The following PIGU variants were observed in gnomAD, a reference collection of about 807,000 sequenced individuals.
PIGU encodes phosphatidylinositol glycan anchor biosynthesis class U.
In PIGU, 24 loss-of-function variants were observed where a neutral mutation model predicts 49.9. The observed-to-expected ratio is 0.48, with a 90% CI of 0.35 to 0.68. The LOEUF is 0.68. Ranked by LOEUF, PIGU falls within the 30% of genes least tolerant of loss-of-function variation. The pLI is 0.01. For missense variants in PIGU, 490 were observed against 532.6 expected (o/e 0.92, Z 0.79); for synonymous variants, 220 against 205.7 (o/e 1.07, Z -0.59).
intron 7 of PIGU, among the ~76,000 whole-genome samples, chr20:34,593,097 G>T (rs1317358505): frequency 6.6e-6 from 1 of 152,110 alleles, no homozygotes; most frequent in Non-Finnish European, 1.5e-5. Context: ...AGCACTTTGG[G>T]AACCAGAGGA....
At chr20:34,666,117 C>G (rs556247587) in intron 1 of PIGU, among the ~76,000 whole-genome samples, 7 of 151,888 alleles carry the variant, frequency 4.6e-5, no homozygotes, top group Non-Finnish European at 2.9e-5. Flanking sequence ...ACCCAGAATG[C>G]GGAGGTTGTA....
intron 11 of PIGU, among the ~76,000 whole-genome samples, chr20:34,573,444 A>C (rs985207576): frequency 6.6e-6 from 1 of 152,212 alleles, no homozygotes; most frequent in Non-Finnish European, 1.5e-5. Flanking sequence ...TTCTCTCAGA[A>C]AGGCAGCCAC....
chr20:34,619,085 G>C (rs374323640), intron 6 of PIGU, among the ~76,000 whole-genome samples: 6 of 152,306 alleles, frequency 3.9e-5, no homozygotes, highest in African/African-American at 1.4e-4. Context: ...AACAACCCTA[G>C]TTGACAGAAA....
rs111415674 is a variant in PIGU at position 34,638,985 on chromosome 20, G to A, written c.319-1000C>T. 1.7e-3 allele frequency among the ~76,000 whole-genome samples: 252 copies of A among 152,278 alleles called. 1 individual carries two copies. The highest frequency in any genetic ancestry group is 5.6e-3 in the African/African-American group (233 of 41,560). ...ATCTATTAGAAAACAGTATTTCAGA[G>A]GAGCCAAGATAGCTGTGCTTAACTG... On this transcript the variant is annotated intron_variant, in intron 4 of 11. Coordinates refer to ENST00000217446, the MANE Select transcript of PIGU (RefSeq NM_080476.5).
At chr20:34,622,066 G>A (rs1428495621) in intron 6 of PIGU, among the ~76,000 whole-genome samples, 1 of 152,162 alleles carries the variant, frequency 6.6e-6, no homozygotes, top group Non-Finnish European at 1.5e-5. Flanking sequence ...CAAGAGCTGG[G>A]AGGAGTGACA....
chr20:34,612,438 G>A (rs761387844), intron 7 of PIGU, among the ~76,000 whole-genome samples: 6 of 152,026 alleles, frequency 3.9e-5, no homozygotes, highest in Non-Finnish European at 5.9e-5. Flanking sequence ...GGGTTGATAC[G>A]TGCAGCACAC....
intron 4 of PIGU, among the ~76,000 whole-genome samples, chr20:34,639,273 C>A (rs1986071871): frequency 6.6e-6 from 1 of 151,948 alleles, no homozygotes; most frequent in Admixed American, 6.6e-5. Flanking sequence ...TGGTGGCGGG[C>A]ACCTGTAGTC....
intron 11 of PIGU, among the ~76,000 whole-genome samples, chr20:34,568,979 G>A (rs1982892016): frequency 6.6e-6 from 1 of 152,086 alleles, no homozygotes; most frequent in Non-Finnish European, 1.5e-5. Context: ...GGAGGCTGAG[G>A]CAGGAGTTTG....
chr20:34,584,123 G>A (rs1983599100), intron 9 of PIGU, among the ~76,000 whole-genome samples: 1 of 152,152 alleles, frequency 6.6e-6, no homozygotes, highest in South Asian at 2.1e-4. Flanking sequence ...CTAAATCCCA[G>A]CTCCACTGCT....
At chr20:34,639,566 T>A (rs1418413410) in intron 4 of PIGU, among the ~76,000 whole-genome samples, 1 of 151,808 alleles carries the variant, frequency 6.6e-6, no homozygotes, top group African/African-American at 2.4e-5. Context: ...TAGGAGTAAA[T>A]TTTTTTCAGC....
intron 1 of PIGU, among the ~76,000 whole-genome samples, chr20:34,667,466 A>T (rs1173621618): frequency 1.3e-5 from 2 of 152,142 alleles, no homozygotes; most frequent in Non-Finnish European, 2.9e-5. Context: ...AATGTAATAA[A>T]GTGCTTTTAA....
intron 8 of PIGU, 85 bp downstream of exon 8, chr20:34,588,368 T>C (rs1270458879): frequency 3.4e-6 from 4 of 1,188,530 alleles, no homozygotes; most frequent in Non-Finnish European, 4.6e-6. Context: ...ATAATGGCTG[T>C]ACTAATTTAC....
intron 9 of PIGU, 120 bp downstream of exon 9, chr20:34,585,317 T>C: frequency 8.1e-7 from 1 of 1,237,500 alleles, no homozygotes; most frequent in Non-Finnish European, 1.1e-6. Context: ...GTTCCTTAGG[T>C]GAGATGCTCT....
intron 4 of PIGU, among the ~76,000 whole-genome samples, chr20:34,640,572 G>A (rs1054043794): frequency 6.0e-5 from 9 of 151,024 alleles, no homozygotes; most frequent in Admixed American, 5.9e-4. Flanking sequence ...TGAAGTTAGG[G>A]TATATATTAA....
intron 10 of PIGU, among the ~76,000 whole-genome samples, chr20:34,580,871 G>A (rs905329138): frequency 3.9e-5 from 6 of 152,142 alleles, no homozygotes; most frequent in African/African-American, 1.4e-4. Flanking sequence ...TCTGAAGAGG[G>A]GATGGTTAGA....
At chr20:34,638,511 G>A (rs1006046743) in intron 4 of PIGU, among the ~76,000 whole-genome samples, 11 of 152,234 alleles carry the variant, frequency 7.2e-5, no homozygotes, top group African/African-American at 2.4e-4. Flanking sequence ...AATATCTGTT[G>A]AATGGCTAAA....
chr20:34,653,747 A>G (rs1986616057), intron 2 of PIGU, among the ~76,000 whole-genome samples: 1 of 152,254 alleles, frequency 6.6e-6, no homozygotes, highest in Admixed American at 6.5e-5. Context: ...TGTTTTGAAG[A>G]CAATATATCA....
rs1046961946 is a variant in PIGU at position 34,567,287 on chromosome 20, G to A, written c.1195-6308C>T. Among the ~76,000 whole-genome samples, 47 of 152,344 alleles carry A rather than the reference G, an allele frequency of 3.1e-4. 1 individual carries two copies. Among genetic ancestry groups the A allele is most frequent in the Middle Eastern group, 6.8e-3 (2 of 294 alleles). ...AGGCCGGAGCGGACATTATGTAGGAGGAAATGGTGGAGGAGAAAACTCCAC... is the reference window on the plus strand; with the variant it reads ...AGGCCGGAGCGGACATTATGTAGGAAGAAATGGTGGAGGAGAAAACTCCAC... On this transcript the variant is annotated intron_variant, in intron 11 of 11. Coordinates refer to ENST00000217446, the MANE Select transcript of PIGU (RefSeq NM_080476.5).
chr20:34,585,218 C>G (rs1207587516), intron 9 of PIGU, among the ~76,000 whole-genome samples: 2 of 152,224 alleles, frequency 1.3e-5, no homozygotes, highest in African/African-American at 4.8e-5. Context: ...AGGGAAAATG[C>G]TGGGGCTCCA....
Sources: gnomAD v4.1 joint callset for allele counts (sites outside exome capture counted in the v4.1 genomes callset) on GRCh38, gnomAD v4.1.1 for gene constraint, MANE v1.5 for transcripts, NCBI Gene and HGNC (gene_info 2026-07-23, HGNC 2026-07-21) for gene names.